The following ARVCF variants were observed in gnomAD, a reference collection of about 807,000 sequenced individuals.
ARVCF encodes the protein ARVCF delta catenin family member.
A neutral mutation model predicts 90.9 loss-of-function variants in ARVCF; 66 were observed. That is an observed-to-expected ratio of 0.73 (90% CI 0.60 to 0.89). The LOEUF (loss-of-function observed/expected upper bound fraction) is 0.89. ARVCF is among the 40% of genes least tolerant of loss of function. The pLI is 0.00. For missense variants in ARVCF, 1,469 were observed against 1,382.3 expected, an observed-to-expected ratio of 1.06 and a Z score of -1.00; for synonymous variants, 653 against 603.4, an observed-to-expected ratio of 1.08 and a Z score of -1.21.
intron 2 of ARVCF, among the ~76,000 whole-genome samples, chr22:20,006,075 T>C (rs981340006): frequency 1.3e-5 from 2 of 152,028 alleles, no homozygotes; most frequent in Non-Finnish European, 2.9e-5. Flanking sequence ...AGTCAAACAA[T>C]AGGAAAAGTA....
downstream of ARVCF, chr22:19,968,819 G>A: frequency 1.5e-6 from 2 of 1,352,206 alleles, no homozygotes; most frequent in Non-Finnish European, 2.1e-6. Flanking sequence ...ACCTTCTGCG[G>A]CTCCGGGCTG....
Position 19,979,768 on chromosome 22 carries a change from G to C in ARVCF, c.1371C>G (p.Asp457Glu). Reference protein sequence around the residue: ...ALVRLLRAARDNEVRELVTGT... With the variant: ...ALVRLLRAARENEVRELVTGT... The stretch of plus-strand genomic sequence containing the variant: ...CAGTGACAAGCTCACGGACCTCGTT[G>C]TCCCGGGCAGCCCTCAGCAGGCGCA... Residue 457 changes from aspartate to glutamate, a missense_variant, in exon 6 of 20, where the codon GAC (aspartate) becomes GAG (glutamate). Coordinates refer to ENST00000263207, the MANE Select transcript of ARVCF (RefSeq NM_001670.3). 6.2e-7 allele frequency: 1 copy of C among 1,604,638 alleles called. No homozygotes were observed. Among genetic ancestry groups the C allele is most frequent in the Non-Finnish European group, 8.5e-7 (1 of 1,174,790 alleles).
intron 3 of ARVCF, among the ~76,000 whole-genome samples, chr22:19,984,321 G>A (rs985547368): frequency 1.3e-5 from 2 of 152,154 alleles, no homozygotes; most frequent in Non-Finnish European, 2.9e-5. Flanking sequence ...GCTGTGGTGA[G>A]GGTCTGACAG....
At chr22:20,009,341 G>A (rs550663076) in intron 2 of ARVCF, among the ~76,000 whole-genome samples, 4 of 152,340 alleles carry the variant, frequency 2.6e-5, no homozygotes, top group African/African-American at 9.6e-5. Context: ...CAAGGACTTG[G>A]GAACAGGCAA....
intron 1 of ARVCF, among the ~76,000 whole-genome samples, chr22:20,015,118 T>C (rs1167776717): frequency 1.3e-5 from 2 of 152,074 alleles, no homozygotes; most frequent in African/African-American, 2.4e-5. Context: ...AGAAGGTCCT[T>C]GTGTTTATGC....
At chr22:19,996,313 CAA>C (rs751484877) in intron 2 of ARVCF, among the ~76,000 whole-genome samples, 28 of 129,836 alleles carry the variant, frequency 2.2e-4, no homozygotes, top group Admixed American at 2.3e-4. Context: ...TCTGTATATC[CAA>C]AAAAAAAAAA....
rs1316296116 is a variant in ARVCF at position 19,978,006 on chromosome 22, G to A, written c.1650C>T (p.Leu550=). The A allele has an allele frequency of 6.2e-7, 1 of 1,612,048 alleles. No individual in the cohort carries two copies. Among genetic ancestry groups the A allele is most frequent in the Non-Finnish European group, 8.5e-7 (1 of 1,179,588 alleles). ...CCACAGCCGACTGCAGGGCATGCAG[G>A]AGCGCGTCCACCAGCCCTTCACACT... ...LRECEGLVDA[L]LHALQSAVGR... The change falls in exon 8 of 20, where the codon CTC becomes CTT. Residue 550 remains leucine (L), a synonymous_variant. Transcript: ENST00000263207.
downstream of ARVCF, chr22:19,967,121 CCTTTCTG>C: frequency 7.7e-7 from 1 of 1,290,468 alleles, no homozygotes; most frequent in South Asian, 1.3e-5. Context: ...GACCCATGCT[CCTTTCTG>C]CCCTTCCCTC....
intron 16 of ARVCF, 141 bp from the exon 17 acceptor site, chr22:19,972,552 C>T (rs1221745131): frequency 4.8e-6 from 6 of 1,237,460 alleles, no homozygotes; most frequent in Middle Eastern, 2.3e-4. Flanking sequence ...GGCAGCCTCA[C>T]CCCAGCTTGA....
rs1212541774 is a variant in ARVCF, at chr22:20,006,184, A to C, written c.-19+4271T>G. 2.0e-5 allele frequency among the ~76,000 whole-genome samples: 3 copies of C among 152,236 alleles called. No homozygotes were observed. In the East Asian group the frequency reaches 5.8e-4, roughly 29 times the overall value. Reference sequence around the variant, plus strand: ...AAAGTTCTGAAATTGGTTGCACAGCAATGTGAACAAACAACACTACTGAAT... The same window carrying C: ...AAAGTTCTGAAATTGGTTGCACAGCCATGTGAACAAACAACACTACTGAAT... On this transcript the variant is annotated intron_variant, in intron 2 of 19. Transcript: ENST00000263207.
intron 3 of ARVCF, among the ~76,000 whole-genome samples, chr22:19,987,492 G>T (rs934931619): frequency 6.6e-6 from 1 of 151,938 alleles, no homozygotes; most frequent in African/African-American, 2.4e-5. Flanking sequence ...TCCTTCCCAG[G>T]CCTCGGTTTG....
chr22:19,990,495 C>T (rs12168782), intron 3 of ARVCF, 90 bp downstream of exon 3: 8 of 1,426,296 alleles, frequency 5.6e-6, no homozygotes, highest in South Asian at 1.4e-5. Flanking sequence ...TTGCAATAAG[C>T]GAGCGCATGC....
intron 2 of ARVCF, among the ~76,000 whole-genome samples, chr22:20,007,635 T>A (rs1944679459): frequency 6.6e-6 from 1 of 152,194 alleles, no homozygotes; most frequent in Non-Finnish European, 1.5e-5. Context: ...TCCGTTACAG[T>A]GGGAGTGGAT....
At chr22:19,977,296 T>A in intron 9 of ARVCF, 119 bp downstream of exon 9, 1 of 1,330,432 alleles carries the variant, frequency 7.5e-7, no homozygotes, top group South Asian at 1.9e-5. Flanking sequence ...TGCCTGCCTG[T>A]TGGGGGCTGA....
chr22:19,968,592 A>T, downstream of ARVCF: 1 of 1,614,060 alleles, frequency 6.2e-7, no homozygotes, highest in South Asian at 1.1e-5. Context: ...TGATCTGCCC[A>T]GGTGCGCCAG....
At chr22:20,007,793 T>G (rs1043460863) in intron 2 of ARVCF, among the ~76,000 whole-genome samples, 1 of 152,258 alleles carries the variant, frequency 6.6e-6, no homozygotes, top group Non-Finnish European at 1.5e-5. Flanking sequence ...AATCCTGGAC[T>G]TCCCCATCTC....
In ARVCF at chr22:19,981,306, G is replaced by T. The variant is rs1475685706; in HGVS notation, c.801C>A (p.Ser267Arg). ...GGCCACCCTCGTCATCAGCGGCCAG[G>T]CTGCGCGTGTCATCCTCCAAGCCAT... ...EPYGLEDDTR[S>R]LAADDEGGPE... Residue 267 changes from serine to arginine, a missense_variant, in exon 5 of 20, where the codon AGC (serine) becomes AGA (arginine). Physicochemically the swap from Ser to Arg is moderately radical, Grantham distance 110. Coordinates refer to ENST00000263207, the MANE Select transcript of ARVCF (RefSeq NM_001670.3). The T allele has an allele frequency of 4.4e-6, 7 of 1,595,826 alleles. No homozygotes were observed. Among genetic ancestry groups the T allele is most frequent in the Non-Finnish European group, 6.0e-6 (7 of 1,172,664 alleles).
In ARVCF at chr22:19,972,368, C is replaced by A. The variant is rs753326944; in HGVS notation, c.2685G>T (p.Ala895=). 5.6e-6 allele frequency: 9 copies of A among 1,613,740 alleles called. No individual in the cohort carries two copies. Among genetic ancestry groups the A allele is most frequent in the Non-Finnish European group, 6.8e-6 (8 of 1,179,998 alleles). ...TGCATCTGCACTCACCTGGGCCCAG[C>A]GCATCCATGGGGATCACATCCCGGC... is the stretch of plus-strand genomic sequence containing the variant. ...TGSRDVIPMD[A]LGPDGYSTVD... is the part of the protein sequence containing the mutation. Residue 895 remains alanine (A), a synonymous_variant, in exon 17 of 20, where the codon GCG becomes GCT. Transcript: ENST00000263207.
chr22:19,990,522 A>G (rs1375773108), intron 3 of ARVCF, 63 bp downstream of exon 3: 2 of 1,519,016 alleles, frequency 1.3e-6, no homozygotes, highest in Middle Eastern at 1.7e-4. Flanking sequence ...GTGGTCCACC[A>G]GGACCCACTG....
Sources: allele counts gnomAD v4.1 joint callset (sites outside exome capture counted in the v4.1 genomes callset), GRCh38; gene constraint gnomAD v4.1.1; transcripts MANE v1.5; gene names NCBI Gene and HGNC (gene_info 2026-07-23, HGNC 2026-07-21).